WASF1: variants seen among roughly 807,000 people sequenced by gnomAD.
WASF1 encodes the protein WASP family member 1, also known as actin-binding protein WASF1.
WASF1 carries 7 observed loss-of-function variants against 50.5 expected under a neutral mutation model. That is an observed-to-expected ratio of 0.14 (90% CI 0.08 to 0.26). The LOEUF (loss-of-function observed/expected upper bound fraction) is 0.26, where lower values mean the gene tolerates loss of function less well. Ranked by LOEUF, WASF1 falls within the 10% of genes least tolerant of loss-of-function variation. The pLI is 1.00. For synonymous variants in WASF1, 205 were observed against 244.0 expected (o/e 0.84, Z 1.49); for missense variants, 470 against 694.7 (o/e 0.68, Z 3.64).
intron 5 of WASF1, among the ~76,000 whole-genome samples, chr6:110,109,312 C>G (rs1013784352): frequency 6.6e-6 from 1 of 152,104 alleles, no homozygotes; most frequent in Admixed American, 6.5e-5. Flanking sequence ...CTATCTTGTA[C>G]ATTAGTATTC....
At chr6:110,136,498 C>A (rs564867892) in intron 3 of WASF1, among the ~76,000 whole-genome samples, 1 of 152,208 alleles carries the variant, frequency 6.6e-6, no homozygotes, top group South Asian at 2.1e-4. Flanking sequence ...GTTAAGACTG[C>A]CCACTAAGAC....
chr6:110,125,037 A>T (rs1028175516), intron 4 of WASF1, among the ~76,000 whole-genome samples: 7 of 152,336 alleles, frequency 4.6e-5, no homozygotes, highest in African/African-American at 1.7e-4. Flanking sequence ...TACTAATAAT[A>T]GCACCAAAGT....
chr6:110,151,770 G>A (rs1192877875), intron 3 of WASF1, among the ~76,000 whole-genome samples: 1 of 152,028 alleles, frequency 6.6e-6, no homozygotes, highest in African/African-American at 2.4e-5. Context: ...ATAGATGAAA[G>A]AAAATTAAAA....
chr6:110,108,476 C>A, intron 6 of WASF1, 52 bp downstream of exon 6: 1 of 1,514,444 alleles, frequency 6.6e-7, no homozygotes, highest in Non-Finnish European at 9.0e-7. Context: ...TTTAGCATTT[C>A]AATCTGAAGT....
At chr6:110,137,221 C>A (rs954708351) in intron 3 of WASF1, among the ~76,000 whole-genome samples, 1 of 152,172 alleles carries the variant, frequency 6.6e-6, no homozygotes, top group Non-Finnish European at 1.5e-5. Context: ...CTATTAAATT[C>A]AAAACATTCA....
intron 3 of WASF1, among the ~76,000 whole-genome samples, chr6:110,141,115 C>G (rs1158414065): frequency 3.9e-5 from 6 of 152,082 alleles, no homozygotes; most frequent in Non-Finnish European, 7.4e-5. Context: ...AAAGCAAAAC[C>G]ATGAATGAAA....
chr6:110,174,696 T>G (rs987437186), intron 2 of WASF1, among the ~76,000 whole-genome samples: 1 of 152,202 alleles, frequency 6.6e-6, no homozygotes, highest in Admixed American at 6.5e-5. Context: ...CTATACAGAA[T>G]CTTGTACATC....
intron 3 of WASF1, among the ~76,000 whole-genome samples, chr6:110,155,507 G>A (rs1228458899): frequency 1.4e-5 from 2 of 140,104 alleles, no homozygotes; most frequent in African/African-American, 2.6e-5. Flanking sequence ...GAGATTACAG[G>A]TAGGACTACA....
intron 3 of WASF1, among the ~76,000 whole-genome samples, chr6:110,139,392 A>C (rs548712581): frequency 1.3e-5 from 2 of 152,246 alleles, no homozygotes; most frequent in Admixed American, 1.3e-4. Flanking sequence ...CCCAGCCCTG[A>C]CCGCTCCTCC....
intron 3 of WASF1, among the ~76,000 whole-genome samples, chr6:110,158,290 T>G (rs1481086975): frequency 1.4e-5 from 1 of 70,234 alleles, no homozygotes; most frequent in East Asian, 4.0e-4. Context: ...CTTGGGAGAG[T>G]GTATGTGTCG....
At chr6:110,146,750 A>T in intron 3 of WASF1, among the ~76,000 whole-genome samples, 1 of 152,150 alleles carries the variant, frequency 6.6e-6, no homozygotes, top group East Asian at 1.9e-4. Context: ...AGTTCAAAAT[A>T]ACTTCACTTA....
In WASF1 at chr6:110,103,362, G is replaced by A. The variant is rs531440214; in HGVS notation, c.893+16C>T. ...TGACTCCTAAGATAAAACATCATAT[G>A]CTTGTTCCAACATACCTGATACAGG... On this transcript the variant is annotated intron_variant, in intron 9 of 10. Transcript: ENST00000392589. 1 of 1,607,712 alleles carries A rather than the reference G, an allele frequency of 6.2e-7. No homozygotes were observed. Among genetic ancestry groups the A allele is most frequent in the African/African-American group, 1.3e-5 (1 of 74,802 alleles).
intron 5 of WASF1, among the ~76,000 whole-genome samples, chr6:110,111,915 G>C (rs1458812043): frequency 6.6e-6 from 1 of 151,752 alleles, no homozygotes; most frequent in African/African-American, 2.4e-5. Context: ...ACTTTAAATG[G>C]GTGAACTGCA....
intron 3 of WASF1, among the ~76,000 whole-genome samples, chr6:110,129,300 A>G (rs887671721): frequency 6.6e-6 from 1 of 152,190 alleles, no homozygotes; most frequent in African/African-American, 2.4e-5. Context: ...AGTGCAGCAA[A>G]AAACAAAAAA....
chr6:110,102,611 T>C (rs1012508220), intron 9 of WASF1, among the ~76,000 whole-genome samples: 1 of 152,172 alleles, frequency 6.6e-6, no homozygotes, highest in Non-Finnish European at 1.5e-5. Context: ...ATATTTATAC[T>C]GAAACTATGA....
chr6:110,165,563 T>C (rs1455261281), intron 2 of WASF1, among the ~76,000 whole-genome samples: 1 of 151,794 alleles, frequency 6.6e-6, no homozygotes, highest in Non-Finnish European at 1.5e-5. Context: ...TCACTCTACC[T>C]ACCTGACCTT....
At chr6:110,102,936 T>C (rs1484264658) in intron 9 of WASF1, among the ~76,000 whole-genome samples, 1 of 152,242 alleles carries the variant, frequency 6.6e-6, no homozygotes, top group Non-Finnish European at 1.5e-5. Context: ...TAATACCAAA[T>C]TAGTATTAAT....
chr6:110,125,018 C>T (rs1416421474), intron 4 of WASF1, among the ~76,000 whole-genome samples: 1 of 152,186 alleles, frequency 6.6e-6, no homozygotes, highest in African/African-American at 2.4e-5. Flanking sequence ...TATTCTCAAG[C>T]ACTTTCAGTA....
chr6:110,151,587 T>C (rs1392101911), intron 3 of WASF1, among the ~76,000 whole-genome samples: 1 of 152,192 alleles, frequency 6.6e-6, no homozygotes, highest in Non-Finnish European at 1.5e-5. Flanking sequence ...ATTCATCTCT[T>C]GCACAAGTTT....
Sources: allele counts gnomAD v4.1 joint callset (sites outside exome capture counted in the v4.1 genomes callset), GRCh38; gene constraint gnomAD v4.1.1; transcripts MANE v1.5; gene names NCBI Gene and HGNC (gene_info 2026-07-23, HGNC 2026-07-21).